MEIS2: variants seen among roughly 807,000 people sequenced by gnomAD.
The protein encoded by MEIS2 is homeobox protein Meis2.
Under a neutral mutation model 58.6 loss-of-function variants are expected in MEIS2, and 9 were observed. The ratio of observed to expected loss-of-function variants is 0.15; its 90% CI spans 0.09 to 0.27. The LOEUF is 0.27. MEIS2 is among the 10% of genes least tolerant of loss of function. The pLI is 1.00. For synonymous variants in MEIS2, 221 were observed against 228.4 expected (o/e 0.97, Z 0.29); for missense variants, 427 against 635.0 (o/e 0.67, Z 3.52).
At chr15:37,008,954 C>G (rs2061021686) in intron 8 of MEIS2, among the ~76,000 whole-genome samples, 2 of 152,110 alleles carry the variant, frequency 1.3e-5, no homozygotes, top group African/African-American at 4.8e-5. Flanking sequence ...TGATTGAATT[C>G]CTTAAGATAA....
At chr15:37,045,325 C>T (rs938647309) in intron 7 of MEIS2, among the ~76,000 whole-genome samples, 5 of 151,958 alleles carry the variant, frequency 3.3e-5, no homozygotes, top group African/African-American at 1.2e-4. Context: ...TTCTTTATGC[C>T]CTTTTCCTCT....
intron 8 of MEIS2, among the ~76,000 whole-genome samples, chr15:36,984,089 T>A (rs1164996992): frequency 1.3e-5 from 2 of 152,110 alleles, no homozygotes; most frequent in Admixed American, 6.6e-5. Context: ...TTATGTCATC[T>A]ACAGAGAAAT....
intron 9 of MEIS2, among the ~76,000 whole-genome samples, chr15:36,922,621 T>TC: frequency 2.1e-5 from 2 of 97,186 alleles, no homozygotes; most frequent in Non-Finnish European, 3.7e-5. Flanking sequence ...CTTTCTTTCT[T>TC]TTTTTTTTTT....
intron 2 of MEIS2, among the ~76,000 whole-genome samples, chr15:37,096,797 C>A (rs548948852): frequency 7.9e-5 from 12 of 152,118 alleles, no homozygotes; most frequent in Non-Finnish European, 1.5e-4. Flanking sequence ...CGGAACCAAC[C>A]CCTGAGACCC....
intron 9 of MEIS2, among the ~76,000 whole-genome samples, chr15:36,933,924 G>A (rs2141340009): frequency 6.6e-6 from 1 of 152,274 alleles, no homozygotes; most frequent in East Asian, 1.9e-4. Context: ...TGTCACCTCT[G>A]CCTGAAGCCA....
At chr15:37,039,845 C>T (rs1228087184) in intron 7 of MEIS2, among the ~76,000 whole-genome samples, 2 of 152,048 alleles carry the variant, frequency 1.3e-5, no homozygotes, top group African/African-American at 2.4e-5. Context: ...ATGTTTATAC[C>T]TCTATAAAAA....
At chr15:37,031,886 T>C (rs1332345576) in intron 8 of MEIS2, among the ~76,000 whole-genome samples, 2 of 150,650 alleles carry the variant, frequency 1.3e-5, no homozygotes, top group Non-Finnish European at 2.9e-5. Context: ...TTGCTTAGGC[T>C]GGAGTACAGT....
chr15:36,945,585 C>A (rs574516085), intron 9 of MEIS2, among the ~76,000 whole-genome samples: 1 of 152,112 alleles, frequency 6.6e-6, no homozygotes, highest in Admixed American at 6.6e-5. Context: ...ATTGAACAAG[C>A]TCCTATATAT....
chr15:36,928,306 ATAACAACAATTAAAACAACAACAG>A (rs2057829631), intron 9 of MEIS2, among the ~76,000 whole-genome samples: 1 of 152,206 alleles, frequency 6.6e-6, no homozygotes, highest in South Asian at 2.1e-4. Context: ...AAAATGTGAC[ATAACAACAATTAAAACAACAACAG>A]TAACAAGAGT....
intron 9 of MEIS2, among the ~76,000 whole-genome samples, chr15:36,946,661 C>T (rs1221483105): frequency 2.0e-5 from 3 of 152,044 alleles, no homozygotes; most frequent in Admixed American, 6.6e-5. Context: ...TTAACAATAG[C>T]TATCTTACAT....
chr15:36,983,932 C>T (rs536164090), intron 8 of MEIS2, among the ~76,000 whole-genome samples: 1 of 151,370 alleles, frequency 6.6e-6, no homozygotes, highest in East Asian at 1.9e-4. Context: ...TAATTTCTTT[C>T]TCTGTTCCTT....
intron 8 of MEIS2, among the ~76,000 whole-genome samples, chr15:37,022,244 A>G (rs1398548529): frequency 6.6e-6 from 1 of 152,162 alleles, no homozygotes; most frequent in Non-Finnish European, 1.5e-5. Context: ...ATTAAGTTAG[A>G]TATTTCCTTC....
At chr15:36,991,341 A>G (rs7170300) in intron 8 of MEIS2, among the ~76,000 whole-genome samples, 11,086 of 151,692 alleles carry the variant, frequency 0.073, 1,355 homozygotes, top group African/African-American at 0.26. Flanking sequence ...TCCACATCTT[A>G]TTCTTTTATC....
At position 37,067,118 on chromosome 15, in the gene MEIS2, G is replaced by A. The variant is rs561411312; in HGVS notation, c.754+16653C>T. Among the ~76,000 whole-genome samples the A allele has an allele frequency of 4.7e-5, 6 of 128,376 alleles. No homozygotes were observed. In the Admixed American group the frequency reaches 4.7e-4, roughly 10 times the overall value. 84.2% of individuals were successfully genotyped at this position (128,376 alleles called of 152,430 possible). ...TTTTTTTTTTTTTTTGAGATAGGGT[G>A]TCACTCTGTCACCCAGGCTGGAGTG... is the stretch of plus-strand genomic sequence containing the variant. On this transcript the variant is annotated intron_variant, in intron 7 of 11. Coordinates refer to ENST00000561208, the MANE Select transcript of MEIS2 (RefSeq NM_170675.5).
intron 9 of MEIS2, among the ~76,000 whole-genome samples, chr15:36,937,696 C>T (rs1251049114): frequency 6.6e-6 from 1 of 152,090 alleles, no homozygotes; most frequent in African/African-American, 2.4e-5. Flanking sequence ...CAACAACATA[C>T]TATTAGGAAG....
At chr15:36,910,680 G>T (rs911635856) in intron 9 of MEIS2, among the ~76,000 whole-genome samples, 1 of 152,078 alleles carries the variant, frequency 6.6e-6, no homozygotes, top group African/African-American at 2.4e-5. Flanking sequence ...CTGTTCATAA[G>T]TACCCCATGA....
intron 7 of MEIS2, among the ~76,000 whole-genome samples, chr15:37,045,328 T>A (rs1451122965): frequency 6.6e-6 from 1 of 152,182 alleles, no homozygotes; most frequent in African/African-American, 2.4e-5. Context: ...TTTATGCCCT[T>A]TTCCTCTTAA....
chr15:37,101,020 GCA>G (rs1895060477), upstream of MEIS2: 1 of 151,988 alleles, frequency 6.6e-6, no homozygotes, highest in African/African-American at 2.4e-5. Flanking sequence ...GCCGATTACA[GCA>G]CCCCGAAGGC....
intron 7 of MEIS2, among the ~76,000 whole-genome samples, chr15:37,078,605 C>CAAAAAAAAAA (rs540405090): frequency 3.0e-4 from 21 of 69,392 alleles, no homozygotes; most frequent in East Asian, 4.8e-4. Context: ...AAAAAACAAC[C>CAAAAAAAAAA]AAAAAAAAAA....
Sources: gnomAD v4.1 joint callset for allele counts (sites outside exome capture counted in the v4.1 genomes callset) on GRCh38, gnomAD v4.1.1 for gene constraint, MANE v1.5 for transcripts, NCBI Gene and HGNC (gene_info 2026-07-23, HGNC 2026-07-21) for gene names.